Variants in PCDHGA8 observed in about 807,000 individuals in gnomAD.
The protein encoded by PCDHGA8 is protocadherin gamma subfamily A, 8, also known as protocadherin gamma-A8.
Under a neutral mutation model 59.2 loss-of-function variants are expected in PCDHGA8, and 45 were observed. The ratio of observed to expected loss-of-function variants is 0.76; its 90% CI spans 0.60 to 0.98. The LOEUF is 0.98. PCDHGA8 is among the 50% of genes least tolerant of loss of function. The probability of loss-of-function intolerance (pLI) is 0.00; values close to 1 mark genes in which losing one functional copy is unlikely to be tolerated. For synonymous variants in PCDHGA8, 531 were observed against 519.0 expected, an observed-to-expected ratio of 1.02 and a Z score of -0.32; for missense variants, 1,257 against 1,196.2, an observed-to-expected ratio of 1.05 and a Z score of -0.75.
rs1000330093 is a variant in PCDHGA8 at position 141,511,812 on chromosome 5, C to T, written c.*639C>T. 2.5e-5 allele frequency: 4 copies of T among 157,260 alleles called. No individual in the cohort carries two copies. Among genetic ancestry groups the T allele is most frequent in the African/African-American group, 9.6e-5 (4 of 41,492 alleles). The allele number at this position is 157,260 out of a possible 1,614,324, so 9.7% of individuals were successfully genotyped here. The stretch of plus-strand genomic sequence containing the variant: ...TAGGGAGGGCATTTTGCTACCAAGC[C>T]TCTTCCCAACGCCCTGGGGACCAGT... On this transcript the variant is annotated 3_prime_UTR_variant, in exon 4 of 4. Transcript: ENST00000398604.
chr5:141,410,528 A>G (rs1464482105), intron 1 of PCDHGA8: 3 of 1,613,852 alleles, frequency 1.9e-6, no homozygotes, highest in Non-Finnish European at 2.5e-6. Flanking sequence ...CCTACATTCC[A>G]ATGAAGACAT....
chr5:141,397,949 A>AGCCCCAGCTCAGAC (rs1391996511), intron 1 of PCDHGA8: 1 of 916,660 alleles, frequency 1.1e-6, no homozygotes, highest in Non-Finnish European at 1.6e-6. Context: ...TTTCCAGGGC[A>AGCCCCAGCTCAGAC]GCCCCAGCTC....
intron 1 of PCDHGA8, chr5:141,414,391 T>TG (rs1367379916): frequency 6.2e-7 from 1 of 1,613,862 alleles, no homozygotes; most frequent in South Asian, 1.1e-5. Flanking sequence ...TGACAGTTAT[T>TG]ACAGATTGGT....
At chr5:141,434,536 T>C (rs1037347477) in intron 1 of PCDHGA8, among the ~76,000 whole-genome samples, 7 of 152,186 alleles carry the variant, frequency 4.6e-5, no homozygotes, top group Non-Finnish European at 8.8e-5. Context: ...CCACAAACAA[T>C]AGCATGAGTG....
intron 1 of PCDHGA8, chr5:141,398,169 G>T (rs2093619628): frequency 5.4e-6 from 8 of 1,477,440 alleles, no homozygotes; most frequent in Admixed American, 2.6e-5. Flanking sequence ...CTGAGAGGCT[G>T]CCAGTGCTCT....
intron 1 of PCDHGA8, among the ~76,000 whole-genome samples, chr5:141,471,737 A>G (rs2099263581): frequency 6.6e-6 from 1 of 152,232 alleles, no homozygotes; most frequent in Non-Finnish European, 1.5e-5. Context: ...AAGGTTGGAG[A>G]CATAACATAT....
chr5:141,441,865 G>T, intron 1 of PCDHGA8: 1 of 345,726 alleles, frequency 2.9e-6, no homozygotes. Context: ...GCACGCCGCG[G>T]AGCCTGGCTA....
In PCDHGA8 at chr5:141,454,484, G is replaced by A. The variant is rs555881095; in HGVS notation, c.2425-40323G>A. On this transcript the variant is annotated intron_variant, in intron 1 of 3. Transcript: ENST00000398604. The stretch of plus-strand genomic sequence containing the variant: ...TGCAATGGCATGATCTCAGCTCACC[G>A]CAACCTCCACCTCCTGGATTCAGGC... Among the ~76,000 whole-genome samples, 7 of 152,218 alleles carry A rather than the reference G, an allele frequency of 4.6e-5. No individual in the cohort carries two copies. In the East Asian group the frequency reaches 7.7e-4, roughly 17 times the overall value.
Position 141,394,194 on chromosome 5 carries a change from A to C in PCDHGA8, c.1381A>C (p.Ile461Leu), listed in dbSNP as rs919478906. 1.9e-6 allele frequency: 3 copies of C among 1,613,842 alleles called. No homozygotes were observed. Among genetic ancestry groups the C allele is most frequent in the Non-Finnish European group, 2.5e-6 (3 of 1,179,852 alleles). The change falls in exon 1 of 4, where the codon ATC (isoleucine) becomes CTC (leucine). Residue 461 changes from isoleucine to leucine, a missense_variant. Physicochemically the swap from Ile to Leu is conservative, Grantham distance 5 (BLOSUM62 2). Transcript: ENST00000398604. ...CCCTCATGCCTCCTACTCAGCGTAT[A>C]TCCTAGAGAACAACCTGAGAGGAGC... Reference protein sequence around the residue: ...TFPHASYSAYILENNLRGASI... With the variant: ...TFPHASYSAYLLENNLRGASI...
chr5:141,403,401 C>T (rs746777998), intron 1 of PCDHGA8: 1 of 1,614,052 alleles, frequency 6.2e-7, no homozygotes, highest in South Asian at 1.1e-5. Context: ...GTTCCTGGAG[C>T]ACGTTATCCA....
In PCDHGA8 at chr5:141,432,358, G is replaced by A. The variant is rs750696244; in HGVS notation, c.2424+37121G>A. ...TCCGAGACTTGCAAGTGAAAGTGAT[G>A]GCGCGGGACAACGGGCACCCGCCCC... On this transcript the variant is annotated intron_variant, in intron 1 of 3. Transcript: ENST00000398604. This position sits in a 1 kb window ranked among gnomAD's most constrained non-coding sequence, Gnocchi z 6.0. The A allele has an allele frequency of 6.2e-7, 1 of 1,614,122 alleles. No homozygotes were observed. The highest frequency in any genetic ancestry group is 8.5e-7 in the Non-Finnish European group (1 of 1,180,060).
intron 1 of PCDHGA8, chr5:141,398,274 C>G (rs1323516270): frequency 7.1e-7 from 1 of 1,416,776 alleles, no homozygotes; most frequent in African/African-American, 1.5e-5. Context: ...TAGTGGGGAA[C>G]CTCGCCACGG....
intron 3 of PCDHGA8, 88 bp from the exon 4 acceptor site, chr5:141,510,859 A>G: frequency 6.2e-7 from 1 of 1,606,096 alleles, no homozygotes; most frequent in Non-Finnish European, 8.5e-7. Context: ...GGTGCTGTAT[A>G]GGCATTCATT....
intron 1 of PCDHGA8, among the ~76,000 whole-genome samples, chr5:141,466,670 G>A (rs994949602): frequency 9.2e-5 from 14 of 152,046 alleles, no homozygotes; most frequent in African/African-American, 2.2e-4. Flanking sequence ...TGATTTCACC[G>A]TTCTTCCACT....
chr5:141,489,794 T>TA lies in PCDHGA8; in HGVS notation c.2425-5009dup. The TA allele has an allele frequency of 1.2e-6, 2 of 1,614,120 alleles. No homozygotes were observed. The highest frequency in any genetic ancestry group is 2.2e-5 in the South Asian group (2 of 91,076). The stretch of plus-strand genomic sequence containing the variant: ...CACTTCTCTCTGAATGTGAAGACCC[T>TA]AAAAGATGGGAAGCCATTCCCAGAG... On this transcript the variant is annotated intron_variant, in intron 1 of 3. Transcript: ENST00000398604. This position sits in a 1 kb window ranked among gnomAD's most constrained non-coding sequence, Gnocchi z 4.5.
At chr5:141,439,774 T>G (rs1435214431) in intron 1 of PCDHGA8, 2 of 152,364 alleles carry the variant, frequency 1.3e-5, no homozygotes, top group East Asian at 3.9e-4. Context: ...CCTTCTTGGC[T>G]GGAGATTCTA....
intron 1 of PCDHGA8, chr5:141,409,439 G>C: frequency 6.2e-7 from 1 of 1,613,998 alleles, no homozygotes; most frequent in Non-Finnish European, 8.5e-7. Flanking sequence ...CCTGGACCGA[G>C]AGCAGACACC....
chr5:141,507,296 C>T (rs1020117646), intron 3 of PCDHGA8: 1 of 141,360 alleles, frequency 7.1e-6, no homozygotes, highest in Non-Finnish European at 1.5e-5. Flanking sequence ...TCAAATGTTG[C>T]ATGAGACATA....
At chr5:141,498,089 A>G (rs1402239680) in intron 2 of PCDHGA8, among the ~76,000 whole-genome samples, 3 of 152,370 alleles carry the variant, frequency 2.0e-5, no homozygotes, top group South Asian at 2.1e-4. Context: ...GTAGAATTGT[A>G]TCTGGTGGTG....
Sources: gnomAD v4.1 joint callset for allele counts (sites outside exome capture counted in the v4.1 genomes callset) on GRCh38, gnomAD v4.1.1 for gene constraint, Gnocchi (gnomAD v3.1) non-coding constraint, MANE v1.5 for transcripts, NCBI Gene and HGNC (gene_info 2026-07-23, HGNC 2026-07-21) for gene names.